Variants in WDPCP observed in about 807,000 individuals in gnomAD.
WDPCP encodes WD repeat-containing and planar cell polarity effector protein fritz homolog.
In WDPCP, 71 loss-of-function variants were observed where a neutral mutation model predicts 93.1. The observed-to-expected ratio is 0.76, with a 90% CI of 0.63 to 0.93. The LOEUF (loss-of-function observed/expected upper bound fraction) is 0.93, where lower values mean the gene tolerates loss of function less well. Among genes scored for constraint, WDPCP ranks in the 40% least tolerant of loss-of-function variants. WDPCP has a pLI of 0.00. For missense variants in WDPCP, 844 were observed against 887.4 expected, an observed-to-expected ratio of 0.95 and a Z score of 0.62; for synonymous variants, 315 against 315.0, an observed-to-expected ratio of 1.00 and a Z score of 0.00.
intron 10 of WDPCP, among the ~76,000 whole-genome samples, chr2:63,397,504 A>C (rs1168617890): frequency 2.0e-5 from 3 of 151,868 alleles, no homozygotes; most frequent in Non-Finnish European, 4.4e-5. Flanking sequence ...ACAAAACTGA[A>C]AATAAAGTAT....
chr2:63,663,107 CT>C (rs1404228597), intron 2 of WDPCP, among the ~76,000 whole-genome samples: 7 of 152,306 alleles, frequency 4.6e-5, no homozygotes, highest in Non-Finnish European at 7.3e-5. Flanking sequence ...CTGTTGGCTG[CT>C]TTTTTGGGCT....
chr2:63,469,320 C>T (rs189042076), intron 6 of WDPCP, among the ~76,000 whole-genome samples: 18 of 152,288 alleles, frequency 1.2e-4, no homozygotes, highest in Admixed American at 7.8e-4. Context: ...GTCAGAAATA[C>T]CATTTGACCT....
intron 1 of WDPCP, among the ~76,000 whole-genome samples, chr2:63,523,555 C>A (rs529632504): frequency 6.6e-6 from 1 of 152,174 alleles, no homozygotes; most frequent in Non-Finnish European, 1.5e-5. Context: ...CTAGAAAACT[C>A]CATGGTCCCT....
intron 10 of WDPCP, among the ~76,000 whole-genome samples, chr2:63,387,530 A>G (rs1233698841): frequency 6.6e-6 from 1 of 152,164 alleles, no homozygotes; most frequent in Non-Finnish European, 1.5e-5. Context: ...TCCACAGCCA[A>G]CATCATACTG....
At chr2:63,583,391 T>A (rs568734747) in intron 1 of WDPCP, among the ~76,000 whole-genome samples, 8 of 152,098 alleles carry the variant, frequency 5.3e-5, no homozygotes, top group African/African-American at 1.9e-4. Flanking sequence ...AACCTTGAAA[T>A]TTTGAAAACC....
At chr2:63,578,607 G>C (rs1183179041) in intron 1 of WDPCP, among the ~76,000 whole-genome samples, 1 of 152,170 alleles carries the variant, frequency 6.6e-6, no homozygotes, top group Non-Finnish European at 1.5e-5. Flanking sequence ...AAACTTAGGA[G>C]GGGAAGCTCT....
At chr2:63,227,617 T>G (rs564338487) in intron 14 of WDPCP, among the ~76,000 whole-genome samples, 1 of 152,124 alleles carries the variant, frequency 6.6e-6, no homozygotes, top group African/African-American at 2.4e-5. Context: ...AGTATGAGAT[T>G]TGTAGTCAAA....
intron 6 of WDPCP, among the ~76,000 whole-genome samples, chr2:63,455,282 C>A (rs1698539344): frequency 6.6e-6 from 1 of 151,982 alleles, no homozygotes; most frequent in African/African-American, 2.4e-5. Context: ...CAAAACCTCA[C>A]ATATCAGCAA....
intron 2 of WDPCP, among the ~76,000 whole-genome samples, chr2:63,726,797 T>C (rs1006621770): frequency 1.3e-5 from 2 of 152,174 alleles, no homozygotes; most frequent in African/African-American, 4.8e-5. Context: ...ATTTTATTCC[T>C]TTTGTGTGGC....
At chr2:63,285,145 A>C (rs1254471871) in intron 13 of WDPCP, among the ~76,000 whole-genome samples, 2 of 152,240 alleles carry the variant, frequency 1.3e-5, no homozygotes, top group Non-Finnish European at 2.9e-5. Context: ...CAGTCCAAAA[A>C]TAAGGTTGGG....
intron 2 of WDPCP, among the ~76,000 whole-genome samples, chr2:63,753,942 G>C (rs977340723): frequency 3.9e-5 from 6 of 152,198 alleles, no homozygotes; most frequent in Non-Finnish European, 5.9e-5. Context: ...GGGTGGATGT[G>C]GTTTATTGAG....
intron 3 of WDPCP, among the ~76,000 whole-genome samples, chr2:63,611,608 G>A (rs1334576852): frequency 6.6e-6 from 1 of 152,142 alleles, no homozygotes; most frequent in Non-Finnish European, 1.5e-5. Context: ...TGTGAAATTG[G>A]TATGAGAACT....
chr2:63,566,906 CT>C (rs1038273665), intron 1 of WDPCP, among the ~76,000 whole-genome samples: 5 of 152,296 alleles, frequency 3.3e-5, no homozygotes, highest in African/African-American at 1.2e-4. Flanking sequence ...AGAAAGGAAC[CT>C]TACTTACTGT....
intron 1 of WDPCP, among the ~76,000 whole-genome samples, chr2:63,536,867 A>G (rs1272410746): frequency 2.0e-5 from 3 of 148,320 alleles, no homozygotes; most frequent in Non-Finnish European, 4.4e-5. Flanking sequence ...CCAAGTTCAA[A>G]TGATTCTTGT....
intron 2 of WDPCP, among the ~76,000 whole-genome samples, chr2:63,792,118 T>C (rs1401209002): frequency 2.0e-5 from 3 of 152,180 alleles, no homozygotes; most frequent in Non-Finnish European, 4.4e-5. Flanking sequence ...GTGCTGTGAA[T>C]AGTGCAATGA....
chr2:63,791,371 C>T (rs1405299319), intron 2 of WDPCP, among the ~76,000 whole-genome samples: 1 of 152,166 alleles, frequency 6.6e-6, no homozygotes, highest in African/African-American at 2.4e-5. Context: ...TATTCCAATT[C>T]TTTATGGGAT....
chr2:63,168,268 C>T (rs1673138396), intron 15 of WDPCP, among the ~76,000 whole-genome samples: 1 of 151,452 alleles, frequency 6.6e-6, no homozygotes, highest in Non-Finnish European at 1.5e-5. Flanking sequence ...GTGAAATTTG[C>T]ATTAATTTTT....
intron 10 of WDPCP, among the ~76,000 whole-genome samples, chr2:63,384,355 G>A (rs1431901809): frequency 6.6e-6 from 1 of 152,034 alleles, no homozygotes; most frequent in Non-Finnish European, 1.5e-5. Flanking sequence ...TGAATAATTA[G>A]TTTTTATATG....
At chr2:63,357,081 T>C (rs530787246) in intron 12 of WDPCP, among the ~76,000 whole-genome samples, 29 of 152,258 alleles carry the variant, frequency 1.9e-4, no homozygotes, top group Admixed American at 6.5e-4. Context: ...ATGCAGAAGA[T>C]TGAAGCTGGA....
Sources: gnomAD v4.1 joint callset for allele counts (sites outside exome capture counted in the v4.1 genomes callset) on GRCh38, gnomAD v4.1.1 for gene constraint, MANE v1.5 for transcripts, NCBI Gene and HGNC (gene_info 2026-07-23, HGNC 2026-07-21) for gene names.